CTNNA3: variants seen among roughly 807,000 people sequenced by gnomAD.
The protein encoded by CTNNA3 is catenin alpha-3.
In CTNNA3, 76 loss-of-function variants were observed where a neutral mutation model predicts 95.7. That is an observed-to-expected ratio of 0.79 (90% CI 0.66 to 0.96). The LOEUF is 0.96. Among genes scored for constraint, CTNNA3 ranks in the 40% least tolerant of loss-of-function variants. The pLI, the probability that CTNNA3 is intolerant of heterozygous loss-of-function variation, is 0.00. For missense variants in CTNNA3, 1,191 were observed against 1,089.8 expected (o/e 1.09, Z -1.31); for synonymous variants, 431 against 374.4 (o/e 1.15, Z -1.74).
chr10:66,641,349 A>C (rs1845510626), intron 9 of CTNNA3, among the ~76,000 whole-genome samples: 1 of 152,196 alleles, frequency 6.6e-6, no homozygotes, highest in Admixed American at 6.6e-5. Flanking sequence ...TTTTCTAAAA[A>C]TGGCCAGACT....
At chr10:66,400,048 C>T (rs1003710755) in intron 11 of CTNNA3, among the ~76,000 whole-genome samples, 44 of 152,074 alleles carry the variant, frequency 2.9e-4, no homozygotes, top group African/African-American at 8.7e-4. Flanking sequence ...TTCACACAGA[C>T]ATATATGTGT....
Position 66,420,443 on chromosome 10 carries a change from T to A in CTNNA3, c.1532-41091A>T, listed in dbSNP as rs112085472. On this transcript the variant is annotated intron_variant, in intron 11 of 17. Transcript: ENST00000433211. ...GTAAAATATCACATGCTGACAAGGATGTGGAGAAAAGAGAATGCTCATACC... is the reference window on the plus strand; with the variant it reads ...GTAAAATATCACATGCTGACAAGGAAGTGGAGAAAAGAGAATGCTCATACC... 9.3e-3 allele frequency among the ~76,000 whole-genome samples: 1,418 copies of A among 152,172 alleles called. 30 individuals carry two copies. Among genetic ancestry groups the A allele is most frequent in the African/African-American group, 0.032 (1,347 of 41,532 alleles).
At chr10:67,716,236 AG>A (rs1487484580) in intron 1 of CTNNA3, among the ~76,000 whole-genome samples, 1 of 152,216 alleles carries the variant, frequency 6.6e-6, no homozygotes, top group Non-Finnish European at 1.5e-5. Context: ...ATCCCTAAAA[AG>A]GGCCTAATAC....
chr10:67,713,755 G>A (rs924968058), intron 1 of CTNNA3, among the ~76,000 whole-genome samples: 7 of 152,146 alleles, frequency 4.6e-5, no homozygotes, highest in Non-Finnish European at 1.0e-4. Context: ...TGGACATAGG[G>A]AAGGGAACAT....
intron 11 of CTNNA3, among the ~76,000 whole-genome samples, chr10:66,399,037 A>G (rs945810600): frequency 2.6e-5 from 4 of 151,974 alleles, no homozygotes; most frequent in African/African-American, 9.7e-5. Context: ...GAAAATAGTA[A>G]TTTCACTGAT....
chr10:67,707,302 G>T (rs1244064640), intron 1 of CTNNA3, among the ~76,000 whole-genome samples: 1 of 152,054 alleles, frequency 6.6e-6, no homozygotes, highest in East Asian at 1.9e-4. Context: ...TCTGGCTGTT[G>T]TCAACCTCTT....
intron 9 of CTNNA3, among the ~76,000 whole-genome samples, chr10:66,696,396 C>A (rs1232121704): frequency 6.6e-6 from 1 of 152,108 alleles, no homozygotes; most frequent in Non-Finnish European, 1.5e-5. Context: ...ACGATTTAAA[C>A]CTTCAAGCTG....
intron 7 of CTNNA3, among the ~76,000 whole-genome samples, chr10:66,876,810 G>A (rs6480233): frequency 0.43 from 64,840 of 151,750 alleles, 14,147 homozygotes; most frequent in Non-Finnish European, 0.46. Context: ...ACAAGAAAGA[G>A]AAGTCCCCAG....
intron 9 of CTNNA3, among the ~76,000 whole-genome samples, chr10:66,694,116 C>T (rs1404329557): frequency 6.6e-6 from 1 of 152,046 alleles, no homozygotes; most frequent in Admixed American, 6.5e-5. Context: ...AAAATCAGAG[C>T]AGAACTGAAG....
chr10:67,662,769 T>C (rs1589548013), intron 1 of CTNNA3, among the ~76,000 whole-genome samples: 1 of 152,330 alleles, frequency 6.6e-6, no homozygotes, highest in South Asian at 2.1e-4. Flanking sequence ...TCTATTTGAT[T>C]GTGGCGGTGA....
intron 11 of CTNNA3, among the ~76,000 whole-genome samples, chr10:66,508,211 T>TTTTTTTTTTTTTTTACAATTTTTTTTTG (rs1491247894): frequency 1.1e-5 from 1 of 91,178 alleles, no homozygotes; most frequent in Non-Finnish European, 2.1e-5. Flanking sequence ...TTGTTTTCTG[T>TTTTTTTTTTTTTTTACAATTTTTTTTTG]TTTTTTTTTT....
intron 10 of CTNNA3, among the ~76,000 whole-genome samples, chr10:66,555,729 G>C (rs941416893): frequency 9.9e-5 from 15 of 151,872 alleles, no homozygotes; most frequent in Non-Finnish European, 2.9e-5. Flanking sequence ...ATAATCAAAA[G>C]GCTAATATTC....
chr10:66,997,803 A>C (rs1045540730), intron 7 of CTNNA3, among the ~76,000 whole-genome samples: 1 of 152,182 alleles, frequency 6.6e-6, no homozygotes. Flanking sequence ...TCTCTTCTTA[A>C]TTAGTGGCTC....
intron 9 of CTNNA3, among the ~76,000 whole-genome samples, chr10:66,663,678 G>C (rs1182007807): frequency 1.3e-5 from 2 of 152,090 alleles, no homozygotes; most frequent in Admixed American, 1.3e-4. Context: ...TATTGCTAGT[G>C]TTGAAAGAAT....
chr10:66,778,370 A>T (rs910520452), intron 7 of CTNNA3, among the ~76,000 whole-genome samples: 24 of 152,148 alleles, frequency 1.6e-4, no homozygotes, highest in Non-Finnish European at 8.8e-5. Context: ...TTAACAAATC[A>T]TCAATGAGCT....
At chr10:67,346,097 A>G (rs1038093609) in intron 5 of CTNNA3, among the ~76,000 whole-genome samples, 1 of 152,202 alleles carries the variant, frequency 6.6e-6, no homozygotes, top group Non-Finnish European at 1.5e-5. Context: ...AGAAAGAAAG[A>G]AACAAACAAA....
intron 7 of CTNNA3, among the ~76,000 whole-genome samples, chr10:67,057,414 T>A (rs1855503553): frequency 6.6e-6 from 1 of 152,048 alleles, no homozygotes; most frequent in African/African-American, 2.4e-5. Flanking sequence ...GACCAACATC[T>A]CTCCATTTCT....
In CTNNA3 at chr10:66,825,618, C is replaced by T. The variant is rs140566100; in HGVS notation, c.1048-50094G>A. ...TAAATGAATGAATTAAATCACTTTC[C>T]GTAGTTAAAAACAAAAGTCTTCAAT... On this transcript the variant is annotated intron_variant, in intron 7 of 17. Coordinates refer to ENST00000433211, the MANE Select transcript of CTNNA3 (RefSeq NM_013266.4). Among the ~76,000 whole-genome samples, 882 of 152,200 alleles carry T rather than the reference C, an allele frequency of 5.8e-3. 2 individuals are homozygous for T. The highest frequency in any genetic ancestry group is 0.01 in the Admixed American group (159 of 15,266).
At chr10:66,544,700 T>C (rs1841984447) in intron 10 of CTNNA3, among the ~76,000 whole-genome samples, 1 of 152,114 alleles carries the variant, frequency 6.6e-6, no homozygotes, top group African/African-American at 2.4e-5. Context: ...TATAGGATAA[T>C]TGTGTTTTGT....
Sources: gnomAD v4.1 joint callset for allele counts (sites outside exome capture counted in the v4.1 genomes callset) on GRCh38, gnomAD v4.1.1 for gene constraint, MANE v1.5 for transcripts, NCBI Gene and HGNC (gene_info 2026-07-23, HGNC 2026-07-21) for gene names.